Variants in SNRNP40 observed in about 807,000 individuals in gnomAD.
SNRNP40 encodes U5 small nuclear ribonucleoprotein 40 kDa protein.
SNRNP40 carries 21 observed loss-of-function variants against 45.8 expected under a neutral mutation model. The ratio of observed to expected loss-of-function variants is 0.46; its 90% confidence interval spans 0.32 to 0.66. The LOEUF (loss-of-function observed/expected upper bound fraction) is 0.66. Ranked by LOEUF, SNRNP40 falls within the 30% of genes least tolerant of loss-of-function variation. SNRNP40 has a pLI of 0.03. For missense variants in SNRNP40, 344 were observed against 439.1 expected, an observed-to-expected ratio of 0.78 and a Z score of 1.94; for synonymous variants, 142 against 163.8, an observed-to-expected ratio of 0.87 and a Z score of 1.01.
At chr1:31,291,812 T>C in intron 3 of SNRNP40, 101 bp downstream of exon 3, 1 of 785,378 alleles carries the variant, frequency 1.3e-6, no homozygotes, top group Non-Finnish European at 2.2e-6. Flanking sequence ...TACCCAAAAT[T>C]AGTAGTTTTT....
intron 1 of SNRNP40, among the ~76,000 whole-genome samples, chr1:31,295,168 T>C (rs555327886): frequency 1.2e-4 from 18 of 152,004 alleles, no homozygotes; most frequent in African/African-American, 2.4e-4. Flanking sequence ...GGTGTGCGGA[T>C]TGCTTGAGCT....
chr1:31,290,894 A>G (rs1646101579), intron 3 of SNRNP40, among the ~76,000 whole-genome samples: 1 of 151,968 alleles, frequency 6.6e-6, no homozygotes, highest in African/African-American at 2.4e-5. Context: ...ATAAAATAAA[A>G]TAAATAAATA....
At chr1:31,271,172 A>G (rs1645935191) in intron 6 of SNRNP40, 2 of 492,356 alleles carry the variant, frequency 4.1e-6, no homozygotes, top group Non-Finnish European at 7.1e-6. Flanking sequence ...CTTCTTATCA[A>G]TGTAGAAACT....
chr1:31,261,593 C>T lies in SNRNP40; in HGVS notation c.960G>A (p.Leu320=), dbSNP rs368328520. 4.3e-6 allele frequency: 7 copies of T among 1,614,070 alleles called. No individual in the cohort carries two copies. The highest frequency in any genetic ancestry group is 2.7e-5 in the African/African-American group (2 of 75,026). ...YVWDTTSRRI[L]YKLPGHAGSI... ...AGCCAGCATGGCCGGGCAGCTTATA[C>T]AATATTCTCCTGCTTGTGGTATCCC... The change falls in exon 9 of 10, where the codon TTG becomes TTA. Residue 320 remains leucine, a synonymous_variant. Coordinates refer to ENST00000263694, the MANE Select transcript of SNRNP40 (RefSeq NM_004814.3).
At chr1:31,272,660 C>T (rs962611349) in intron 5 of SNRNP40, among the ~76,000 whole-genome samples, 1 of 152,182 alleles carries the variant, frequency 6.6e-6, no homozygotes. Context: ...GGGCACAAGA[C>T]AGGTCCTCAA....
intron 3 of SNRNP40, among the ~76,000 whole-genome samples, chr1:31,291,548 G>C (rs1043066112): frequency 6.6e-6 from 1 of 152,088 alleles, no homozygotes; most frequent in Non-Finnish European, 1.5e-5. Flanking sequence ...GCATGGAGGC[G>C]TGGGCTTGTG....
At chr1:31,261,017 A>C in intron 9 of SNRNP40, 1 of 1,283,128 alleles carries the variant, frequency 7.8e-7, no homozygotes. Context: ...ACTTATGAGC[A>C]ATGGTGAGAC....
At chr1:31,273,781 G>A (rs569417173) in intron 5 of SNRNP40, among the ~76,000 whole-genome samples, 1 of 152,250 alleles carries the variant, frequency 6.6e-6, no homozygotes, top group African/African-American at 2.4e-5. Flanking sequence ...CTCACAAGGA[G>A]TGTTCAGTAT....
At chr1:31,263,505 G>A (rs182011055) in intron 8 of SNRNP40, 119 of 353,198 alleles carry the variant, frequency 3.4e-4, no homozygotes, top group African/African-American at 2.6e-3. Flanking sequence ...TGTATTTAGA[G>A]AGCCCCTGAA....
At chr1:31,282,369 T>C (rs951174448) in intron 4 of SNRNP40, 19 of 152,044 alleles carry the variant, frequency 1.2e-4, no homozygotes, top group African/African-American at 4.6e-4. Flanking sequence ...GGAAAAACAG[T>C]TGGGGCAAAA....
rs1258983544 is a variant in SNRNP40 at position 31,269,182 on chromosome 1, T to C, written c.834A>G (p.Gln278=). 1.2e-6 allele frequency: 2 copies of C among 1,608,470 alleles called. No individual in the cohort carries two copies. Among genetic ancestry groups the C allele is most frequent in the South Asian group, 1.1e-5 (1 of 90,018 alleles). Residue 278 remains glutamine, a synonymous_variant, in exon 7 of 10, where the codon CAA becomes CAG. Transcript: ENST00000263694. The part of the protein sequence containing the change: ...APKERCVKIF[Q]GNVHNFEKNL... ...CCTTTTCAAAGTTGTGCACATTTCCTTGAAATATCTTTACACATCTCTCTT... is the reference window on the plus strand; with the variant it reads ...CCTTTTCAAAGTTGTGCACATTTCCCTGAAATATCTTTACACATCTCTCTT...
intron 8 of SNRNP40, among the ~76,000 whole-genome samples, chr1:31,267,544 T>G (rs976846739): frequency 6.6e-6 from 1 of 152,210 alleles, no homozygotes; most frequent in Admixed American, 6.5e-5. Context: ...CATTGTTTTT[T>G]TTTTGGAGAT....
rs11419603 is a variant in SNRNP40, at chr1:31,263,913, TA to T, written c.921-2282del. ...ACTTACCCTCCATAAATGTACTGGCTAAAAAAAAAAAAAAAAAAAAAAGTTC... is the reference window on the plus strand; with the variant it reads ...ACTTACCCTCCATAAATGTACTGGCTAAAAAAAAAAAAAAAAAAAAAGTTC... On this transcript the variant is annotated intron_variant, in intron 8 of 9. Transcript: ENST00000263694. 5.6e-3 allele frequency among the ~76,000 whole-genome samples: 603 copies of T among 106,982 alleles called. 2 individuals carry two copies. Among genetic ancestry groups the T allele is most frequent in the Non-Finnish European group, 7.6e-3 (421 of 55,614 alleles). 70.2% of individuals were successfully genotyped at this position (106,982 alleles called of 152,430 possible). A position where few individuals can be genotyped will look rare whatever the true frequency, so the allele number is the denominator to read the frequency against.
At chr1:31,293,185 A>T in intron 2 of SNRNP40, 34 bp downstream of exon 2, 1 of 1,611,206 alleles carries the variant, frequency 6.2e-7, no homozygotes, top group Non-Finnish European at 8.5e-7. Context: ...ATCTGGCAGG[A>T]AAAATTATTC....
chr1:31,286,029 C>G (rs995508693), intron 4 of SNRNP40, among the ~76,000 whole-genome samples: 1 of 150,628 alleles, frequency 6.6e-6, no homozygotes, highest in African/African-American at 2.4e-5. Flanking sequence ...CTTTCACTGC[C>G]CCTGGGCTGA....
intron 4 of SNRNP40, among the ~76,000 whole-genome samples, chr1:31,284,564 AACC>A (rs748218806): frequency 1.3e-5 from 2 of 152,222 alleles, no homozygotes; most frequent in Non-Finnish European, 2.9e-5. Flanking sequence ...TGAGAAGATG[AACC>A]ACAAGTAAAT....
In SNRNP40 at chr1:31,281,446, G is replaced by A. The variant is rs778989076; in HGVS notation, c.582C>T (p.Tyr194=). The A allele has an allele frequency of 2.5e-6, 4 of 1,608,398 alleles. No individual in the cohort carries two copies. Among genetic ancestry groups the A allele is most frequent in the East Asian group, 2.2e-5 (1 of 44,798 alleles). Residue 194 remains tyrosine, a synonymous_variant, in exon 5 of 10, where the codon TAC becomes TAT. Transcript: ENST00000263694. ...CATTGAAGGTCACAGCTAACACCTGGTACGTGTTCTGAAATGTCTGGATGG... is the reference window on the plus strand; with the variant it reads ...CATTGAAGGTCACAGCTAACACCTGATACGTGTTCTGAAATGTCTGGATGG... The part of the protein sequence containing the change: ...KAAIQTFQNT[Y]QVLAVTFNDT...
At chr1:31,271,301 C>T in intron 6 of SNRNP40, 78 bp downstream of exon 6, 2 of 1,436,120 alleles carry the variant, frequency 1.4e-6, no homozygotes, top group South Asian at 2.6e-5. Flanking sequence ...ACAACACATT[C>T]TAATCGTCTG....
At position 31,275,555 on chromosome 1, in the gene SNRNP40, A is replaced by C. The variant is rs190362184; in HGVS notation, c.655-4056T>G. On this transcript the variant is annotated intron_variant, in intron 5 of 9. Coordinates refer to ENST00000263694, the MANE Select transcript of SNRNP40 (RefSeq NM_004814.3). ...CAGGTGTGTGCCACCACGCGCAGCT[A>C]ATTTTTGTATTTTTAGTAGAGACGG... Among the ~76,000 whole-genome samples, 6 of 152,130 alleles carry C rather than the reference A, an allele frequency of 3.9e-5. No homozygotes were observed. In the East Asian group the frequency reaches 1.2e-3, roughly 29 times the overall value.
Sources: gnomAD v4.1 joint callset for allele counts (sites outside exome capture counted in the v4.1 genomes callset) on GRCh38, gnomAD v4.1.1 for gene constraint, MANE v1.5 for transcripts, NCBI Gene and HGNC (gene_info 2026-07-23, HGNC 2026-07-21) for gene names.